Variants in SLCO2A1 observed in about 807,000 individuals in gnomAD.
SLCO2A1 encodes matrin F/G 1.
In SLCO2A1, 60 loss-of-function variants were observed where a neutral mutation model predicts 71.7. The ratio of observed to expected loss-of-function variants is 0.84; its 90% CI spans 0.68 to 1.04. The LOEUF is 1.04. Among genes scored for constraint, SLCO2A1 ranks in the 50% least tolerant of loss-of-function variants. The pLI, the probability that SLCO2A1 is intolerant of heterozygous loss-of-function variation, is 0.00. For missense variants in SLCO2A1, 745 were observed against 813.4 expected (o/e 0.92, Z 1.02); for synonymous variants, 308 against 326.7 (o/e 0.94, Z 0.62).
chr3:134,021,838 C>T (rs1200855356), intron 1 of SLCO2A1, among the ~76,000 whole-genome samples: 1 of 151,730 alleles, frequency 6.6e-6, no homozygotes, highest in Admixed American at 6.6e-5. Flanking sequence ...TTCTCTGTAA[C>T]CTATCACACT....
intron 11 of SLCO2A1, among the ~76,000 whole-genome samples, chr3:133,939,677 A>T (rs1933365527): frequency 6.6e-6 from 1 of 152,196 alleles, no homozygotes; most frequent in Admixed American, 6.5e-5. Context: ...AGATCCCTCC[A>T]GTGGTCCAGT....
At chr3:133,989,906 A>G (rs1345682984) in intron 1 of SLCO2A1, among the ~76,000 whole-genome samples, 2 of 152,220 alleles carry the variant, frequency 1.3e-5, no homozygotes, top group African/African-American at 2.4e-5. Context: ...TATTTTTATT[A>G]TCAGATCACT....
intron 1 of SLCO2A1, among the ~76,000 whole-genome samples, chr3:134,022,018 G>A (rs1419857491): frequency 2.0e-5 from 3 of 148,834 alleles, no homozygotes; most frequent in African/African-American, 7.4e-5. Flanking sequence ...ACTTTTAGAG[G>A]AAACCTCATT....
chr3:133,949,036 C>A lies in SLCO2A1; in HGVS notation c.862-65G>T, dbSNP rs539352316. On this transcript the variant is annotated intron_variant, in intron 6 of 13. Coordinates refer to ENST00000310926, the MANE Select transcript of SLCO2A1 (RefSeq NM_005630.3). ...TCACTGTAGCCACCCTTCCCTGAGC[C>A]CTTGAGTCTCTGGCCTCAGAAGCTC... 5.7e-6 allele frequency: 8 copies of A among 1,405,786 alleles called. No homozygotes were observed. The African/African-American group carries it at 1.1e-4, about 20-fold the overall frequency. 87.1% of individuals were successfully genotyped at this position (1,405,786 alleles called of 1,614,324 possible). A position where few individuals can be genotyped will look rare whatever the true frequency, so the allele number is the denominator to read the frequency against.
At chr3:133,946,236 G>GAAAA (rs113147743) in intron 9 of SLCO2A1, among the ~76,000 whole-genome samples, 3 of 94,432 alleles carry the variant, frequency 3.2e-5, no homozygotes, top group African/African-American at 1.2e-4. Context: ...TCATTTCAAA[G>GAAAA]AAAAAAAAAA....
intron 1 of SLCO2A1, among the ~76,000 whole-genome samples, chr3:134,003,037 G>T (rs1245538627): frequency 1.3e-5 from 2 of 152,190 alleles, no homozygotes; most frequent in African/African-American, 4.8e-5. Flanking sequence ...AGCATTCCAG[G>T]ACTGATCCGC....
intron 1 of SLCO2A1, among the ~76,000 whole-genome samples, chr3:133,985,168 C>T (rs1934684934): frequency 1.3e-5 from 2 of 152,338 alleles, no homozygotes; most frequent in South Asian, 4.1e-4. Context: ...ACATCACTTG[C>T]TTAAGATGCT....
At position 133,946,972 on chromosome 3, in the gene SLCO2A1, G is replaced by A. The variant is rs150688807; in HGVS notation, c.1295+284C>T. Among the ~76,000 whole-genome samples the A allele has an allele frequency of 7.3e-3, 1,118 of 152,114 alleles. 19 individuals are homozygous for A. Among genetic ancestry groups the A allele is most frequent in the African/African-American group, 0.026 (1,058 of 41,486 alleles). ...TCAACTAAAAATACAAAAATTAGCC[G>A]GGTGTGGTGGTACACACCTGTAATC... On this transcript the variant is annotated intron_variant, in intron 9 of 13. Coordinates refer to ENST00000310926, the MANE Select transcript of SLCO2A1 (RefSeq NM_005630.3).
At chr3:133,948,827 G>C (rs1415941756) in intron 7 of SLCO2A1, 66 bp downstream of exon 7, 4 of 1,593,396 alleles carry the variant, frequency 2.5e-6, no homozygotes, top group Admixed American at 1.7e-5. Context: ...AGGGGCTGGG[G>C]TCCCCCTGGC....
chr3:133,996,108 G>A (rs1330800320), intron 1 of SLCO2A1, among the ~76,000 whole-genome samples: 2 of 152,154 alleles, frequency 1.3e-5, no homozygotes, highest in Non-Finnish European at 1.5e-5. Flanking sequence ...AGGAGGAGAG[G>A]GCGTCCTTGG....
Position 133,945,324 on chromosome 3 carries a change from A to G in SLCO2A1, c.1296-64T>C, listed in dbSNP as rs568765347. ...AGACCAAAGAAAAACCCTACACTCCAGCCCAGTGTGAGTTCCTGGCCTGGT... is the reference window on the plus strand; with the variant it reads ...AGACCAAAGAAAAACCCTACACTCCGGCCCAGTGTGAGTTCCTGGCCTGGT... On this transcript the variant is annotated intron_variant, in intron 9 of 13. Coordinates refer to ENST00000310926, the MANE Select transcript of SLCO2A1 (RefSeq NM_005630.3). The G allele has an allele frequency of 9.2e-5, 137 of 1,484,054 alleles. 1 individual carries two copies. The South Asian group carries it at 1.7e-3, about 19-fold the overall frequency. The allele number at this position is 1,484,054 out of a possible 1,614,324, so 91.9% of individuals were successfully genotyped here. A position where few individuals can be genotyped will look rare whatever the true frequency, so the allele number is the denominator to read the frequency against.
chr3:134,026,268 T>C (rs1344055084), intron 1 of SLCO2A1, among the ~76,000 whole-genome samples: 1 of 151,728 alleles, frequency 6.6e-6, no homozygotes, highest in Non-Finnish European at 1.5e-5. Context: ...CAGAGAGAAA[T>C]CCATTTAGTA....
intron 1 of SLCO2A1, among the ~76,000 whole-genome samples, chr3:134,011,016 T>G (rs573165664): frequency 3.3e-5 from 5 of 152,292 alleles, no homozygotes; most frequent in Admixed American, 1.3e-4. Flanking sequence ...TTTTACACAT[T>G]TACACATTAA....
chr3:133,976,158 T>C (rs143091193), intron 2 of SLCO2A1, among the ~76,000 whole-genome samples: 30 of 152,264 alleles, frequency 2.0e-4, no homozygotes, highest in Non-Finnish European at 4.4e-4. Flanking sequence ...AAGAGTGAGA[T>C]GGTTTATGAT....
At chr3:134,009,751 A>G (rs1244187438) in intron 1 of SLCO2A1, among the ~76,000 whole-genome samples, 3 of 152,246 alleles carry the variant, frequency 2.0e-5, no homozygotes, top group Non-Finnish European at 4.4e-5. Context: ...AAATACAACA[A>G]CAGATATAAA....
chr3:133,970,476 G>A lies in SLCO2A1; in HGVS notation c.397+3187C>T, dbSNP rs181764865. On this transcript the variant is annotated intron_variant, in intron 3 of 13. Transcript: ENST00000310926. ...TGATTCAAAACTAAAATTTCCATAA[G>A]AATACATTTGAAGTAGGAGTCACAT... 7.7e-4 allele frequency among the ~76,000 whole-genome samples: 117 copies of A among 152,348 alleles called. No individual in the cohort carries two copies. In the Middle Eastern group the frequency reaches 0.01, roughly 13 times the overall value.
Position 134,029,908 on chromosome 3 carries a change from A to G in SLCO2A1, c.-106T>C, listed in dbSNP as rs1432992964. On this transcript the variant is annotated 5_prime_UTR_variant, in exon 1 of 14. Transcript: ENST00000310926. ...ACCGCGGCGGCAGTGGCCGGAGGAG[A>G]TTCGCGGAGCGGAGACTGAGCCAGC... The G allele has an allele frequency of 1.9e-6, 1 of 524,884 alleles. No individual in the cohort carries two copies. The highest frequency in any genetic ancestry group is 2.9e-6 in the Non-Finnish European group (1 of 345,594). The allele number at this position is 524,884 out of a possible 1,614,324, so 32.5% of individuals were successfully genotyped here. A position where few individuals can be genotyped will look rare whatever the true frequency, so the allele number is the denominator to read the frequency against.
intron 1 of SLCO2A1, among the ~76,000 whole-genome samples, chr3:134,018,729 G>A (rs776207465): frequency 3.9e-5 from 6 of 152,106 alleles, no homozygotes; most frequent in Non-Finnish European, 8.8e-5. Context: ...TCCTGAAGCC[G>A]CCAGGATAAG....
intron 1 of SLCO2A1, among the ~76,000 whole-genome samples, chr3:133,990,597 T>A (rs142696067): frequency 3.9e-5 from 6 of 152,264 alleles, no homozygotes; most frequent in Non-Finnish European, 5.9e-5. Flanking sequence ...GCCTGGTGTG[T>A]CTCCAACAGA....
Sources: allele counts gnomAD v4.1 joint callset (sites outside exome capture counted in the v4.1 genomes callset), GRCh38; gene constraint gnomAD v4.1.1; transcripts MANE v1.5; gene names NCBI Gene and HGNC (gene_info 2026-07-23, HGNC 2026-07-21).